HSD17B4: variants seen among roughly 807,000 people sequenced by gnomAD.
The protein encoded by HSD17B4 is peroxisomal multifunctional enzyme type 2.
HSD17B4 carries 70 observed loss-of-function variants against 101.0 expected under a neutral mutation model. That is an observed-to-expected ratio of 0.69 (90% CI 0.57 to 0.85). The LOEUF (loss-of-function observed/expected upper bound fraction) is 0.85. Among genes scored for constraint, HSD17B4 ranks in the 40% least tolerant of loss-of-function variants. The probability of loss-of-function intolerance (pLI) is 0.00; values close to 1 mark genes in which losing one functional copy is unlikely to be tolerated. For missense variants in HSD17B4, 984 were observed against 892.4 expected, an observed-to-expected ratio of 1.10 and a Z score of -1.31; for synonymous variants, 347 against 297.1, an observed-to-expected ratio of 1.17 and a Z score of -1.73.
At chr5:119,468,927 G>T (rs1489940127) in intron 2 of HSD17B4, among the ~76,000 whole-genome samples, 4 of 149,316 alleles carry the variant, frequency 2.7e-5, no homozygotes, top group African/African-American at 9.8e-5. Context: ...AAATTTCATT[G>T]ATTGAATTCT....
At chr5:119,496,136 G>C (rs900421500) in intron 11 of HSD17B4, among the ~76,000 whole-genome samples, 8 of 152,160 alleles carry the variant, frequency 5.3e-5, no homozygotes, top group Admixed American at 1.3e-4. Flanking sequence ...GGTAATCTTG[G>C]CATTCTTTCA....
At chr5:119,460,290 C>T (rs1041093727) in intron 2 of HSD17B4, among the ~76,000 whole-genome samples, 4 of 152,100 alleles carry the variant, frequency 2.6e-5, no homozygotes, top group African/African-American at 9.7e-5. Context: ...CTCTCCGCAA[C>T]GGTAAGTATA....
chr5:119,453,588 T>TA (rs1231603371), intron 1 of HSD17B4, among the ~76,000 whole-genome samples: 2 of 152,244 alleles, frequency 1.3e-5, no homozygotes, highest in African/African-American at 4.8e-5. Context: ...GGAAAGGCCC[T>TA]AATGCATGAA....
At chr5:119,484,444 G>GT (rs1749428571) in intron 8 of HSD17B4, among the ~76,000 whole-genome samples, 1 of 152,112 alleles carries the variant, frequency 6.6e-6, no homozygotes, top group South Asian at 2.1e-4. Flanking sequence ...ATGAGATAGT[G>GT]TGAGTCTTTC....
chr5:119,530,852 AAAAAAAAAAAACAAAAAAC>A lies in HSD17B4; in HGVS notation c.1855-405_1855-387del, dbSNP rs1331889708. Among the ~76,000 whole-genome samples the A allele has an allele frequency of 2.8e-4, 40 of 144,476 alleles. No individual in the cohort carries two copies. The East Asian group carries it at 3.6e-3, about 13-fold the overall frequency. 94.8% of individuals were successfully genotyped at this position (144,476 alleles called of 152,430 possible). ...TGGGCGACAAGTCTGTCTCAAAAAA[AAAAAAAAAAAACAAAAAAC>A]AAAAAAAACCCAAAACTTAAGTTTT... On this transcript the variant is annotated intron_variant, in intron 21 of 23. Coordinates refer to ENST00000510025, the MANE Select transcript of HSD17B4 (RefSeq NM_000414.4).
At chr5:119,522,850 C>A (rs1444806163) in intron 17 of HSD17B4, among the ~76,000 whole-genome samples, 1 of 152,068 alleles carries the variant, frequency 6.6e-6, no homozygotes, top group African/African-American at 2.4e-5. Flanking sequence ...TAATTATTTT[C>A]ATTGTAGTCA....
At chr5:119,541,633 C>T (rs867477505) in intron 23 of HSD17B4, among the ~76,000 whole-genome samples, 3 of 151,954 alleles carry the variant, frequency 2.0e-5, no homozygotes, top group Non-Finnish European at 2.9e-5. Flanking sequence ...AAGCCAGAAA[C>T]GTAGGTTGAA....
chr5:119,525,880 G>T (rs367857985), intron 18 of HSD17B4, 37 bp from the exon 19 acceptor site: 13 of 1,176,248 alleles, frequency 1.1e-5, no homozygotes, highest in African/African-American at 4.5e-5. Flanking sequence ...AACTTTAAAG[G>T]TACCTGTATC....
intron 9 of HSD17B4, 68 bp downstream of exon 9, chr5:119,489,351 C>A: frequency 2.2e-6 from 2 of 925,110 alleles, no homozygotes; most frequent in Non-Finnish European, 3.6e-6. Context: ...AAATCTGTAC[C>A]AGTGGACATC....
rs1341797967 is a variant in HSD17B4, at chr5:119,525,769, T to G, written c.1574-148T>G. ...TAATTTCCTCCCAGGAAATACTCTT[T>G]AAAAAATATCTACTGTGTTTCTTAA... On this transcript the variant is annotated intron_variant, in intron 18 of 23. Transcript: ENST00000510025. 1.6e-5 allele frequency: 10 copies of G among 610,630 alleles called. No individual in the cohort carries two copies. In the East Asian group the frequency reaches 2.8e-4, roughly 17 times the overall value. 37.8% of individuals were successfully genotyped at this position (610,630 alleles called of 1,614,324 possible).
At chr5:119,492,668 A>T (rs1012400785) in intron 10 of HSD17B4, 6 of 152,220 alleles carry the variant, frequency 3.9e-5, no homozygotes, top group African/African-American at 1.4e-4. Context: ...GCTTTAGCCC[A>T]ATAGTTATTT....
At chr5:119,534,782 C>T (rs1230472701) in intron 22 of HSD17B4, among the ~76,000 whole-genome samples, 1 of 152,054 alleles carries the variant, frequency 6.6e-6, no homozygotes, top group Non-Finnish European at 1.5e-5. Context: ...GGTGTATCTG[C>T]CTCAGGGTTA....
chr5:119,532,407 A>G lies in HSD17B4; in HGVS notation c.1993+1003A>G, dbSNP rs192653935. 7.2e-5 allele frequency among the ~76,000 whole-genome samples: 11 copies of G among 152,198 alleles called. No individual in the cohort carries two copies. In the East Asian group the frequency reaches 1.5e-3, roughly 21 times the overall value. Reference sequence around the variant, plus strand: ...CACATAATAACTAGCCTGATTCTGTATATGTTGGAATGAGTGCTAAAAGCC... The same window carrying G: ...CACATAATAACTAGCCTGATTCTGTGTATGTTGGAATGAGTGCTAAAAGCC... On this transcript the variant is annotated intron_variant, in intron 22 of 23. Coordinates refer to ENST00000510025, the MANE Select transcript of HSD17B4 (RefSeq NM_000414.4).
At chr5:119,467,480 G>T (rs535617605) in intron 2 of HSD17B4, among the ~76,000 whole-genome samples, 1 of 152,200 alleles carries the variant, frequency 6.6e-6, no homozygotes, top group African/African-American at 2.4e-5. Context: ...CCAGTGTTGG[G>T]TGCATATATA....
chr5:119,472,170 CTG>C (rs1031895611), intron 2 of HSD17B4, among the ~76,000 whole-genome samples: 127 of 152,268 alleles, frequency 8.3e-4, no homozygotes, highest in African/African-American at 2.6e-3. Context: ...ATTTTAGACA[CTG>C]TGTGTTGTAA....
chr5:119,537,689 T>C (rs1190214781), intron 23 of HSD17B4, among the ~76,000 whole-genome samples: 1 of 152,160 alleles, frequency 6.6e-6, no homozygotes, highest in Non-Finnish European at 1.5e-5. Flanking sequence ...ATTTTAGGCT[T>C]TGTGGGCAAG....
At chr5:119,517,791 C>G (rs1752766593) in intron 17 of HSD17B4, among the ~76,000 whole-genome samples, 1 of 152,102 alleles carries the variant, frequency 6.6e-6, no homozygotes, top group South Asian at 2.1e-4. Flanking sequence ...AATCGGCACT[C>G]TGTATCTAGC....
intron 1 of HSD17B4, among the ~76,000 whole-genome samples, chr5:119,455,466 G>A (rs868044388): frequency 1.3e-5 from 2 of 151,598 alleles, no homozygotes; most frequent in Non-Finnish European, 2.9e-5. Context: ...GCAGTGAGCC[G>A]AGATCATGCC....
intron 12 of HSD17B4, 78 bp from the exon 13 acceptor site, chr5:119,499,239 A>G: frequency 1.1e-6 from 1 of 951,814 alleles, no homozygotes; most frequent in Non-Finnish European, 1.7e-6. Context: ...CTATTCAAAA[A>G]CAAAACTAGG....
Sources: gnomAD v4.1 joint callset for allele counts (sites outside exome capture counted in the v4.1 genomes callset) on GRCh38, gnomAD v4.1.1 for gene constraint, MANE v1.5 for transcripts, NCBI Gene and HGNC (gene_info 2026-07-23, HGNC 2026-07-21) for gene names.